The following SYCP2L variants were observed in gnomAD, a reference collection of about 807,000 sequenced individuals.
The protein encoded by SYCP2L is synaptonemal complex protein 2 like.
In SYCP2L, 98 loss-of-function variants were observed where a neutral mutation model predicts 125.8. The observed-to-expected ratio is 0.78, with a 90% CI of 0.66 to 0.92. The LOEUF is 0.92. Among genes scored for constraint, SYCP2L ranks in the 40% least tolerant of loss-of-function variants. The pLI, the probability that SYCP2L is intolerant of heterozygous loss-of-function variation, is 0.00. For synonymous variants in SYCP2L, 317 were observed against 325.4 expected (o/e 0.97, Z 0.28); for missense variants, 842 against 936.4 (o/e 0.90, Z 1.32).
intron 14 of SYCP2L, among the ~76,000 whole-genome samples, chr6:10,916,104 G>GT (rs1780688663): frequency 6.6e-6 from 1 of 152,146 alleles, no homozygotes; most frequent in Non-Finnish European, 1.5e-5. Flanking sequence ...TAGTTTATGT[G>GT]TGTAATGGTG....
chr6:10,907,187 C>T (rs1780512686), intron 9 of SYCP2L, among the ~76,000 whole-genome samples: 1 of 151,770 alleles, frequency 6.6e-6, no homozygotes, highest in Admixed American at 6.6e-5. Context: ...CTACTAAAAA[C>T]ATAAAGATTA....
chr6:10,912,937 T>G lies in SYCP2L; in HGVS notation c.1072+10T>G, dbSNP rs111657774. On this transcript the variant is annotated intron_variant, in intron 14 of 29. Transcript: ENST00000283141. The surrounding 1 kb of genome is among the most constrained non-coding windows in gnomAD (Gnocchi z 4.1). ...AATTTCAGCATAACAGGTAATATGATACATTTAAACAACCCACGTCCAGTT... is the reference window on the plus strand; with the variant it reads ...AATTTCAGCATAACAGGTAATATGAGACATTTAAACAACCCACGTCCAGTT... The G allele has an allele frequency of 4.4e-4, 716 of 1,612,674 alleles. 7 individuals carry two copies. In the African/African-American group the frequency reaches 8.3e-3, roughly 19 times the overall value.
At chr6:10,924,714 G>GGTT in intron 15 of SYCP2L, 73 bp downstream of exon 15, 1 of 1,276,568 alleles carries the variant, frequency 7.8e-7, no homozygotes, top group Non-Finnish European at 1.0e-6. Context: ...TGTCCTTGTT[G>GGTT]GGTTTTGATG....
At chr6:10,929,528 T>C (rs1581830973) in intron 18 of SYCP2L, among the ~76,000 whole-genome samples, 2 of 152,232 alleles carry the variant, frequency 1.3e-5, no homozygotes, top group South Asian at 4.1e-4. Flanking sequence ...ATTTTAAAAA[T>C]ATAAATATCA....
intron 28 of SYCP2L, among the ~76,000 whole-genome samples, 181 bp downstream of exon 28, chr6:10,961,739 G>C (rs185634277): frequency 6.6e-6 from 1 of 152,154 alleles, no homozygotes; most frequent in South Asian, 2.1e-4. Context: ...GATACCATTC[G>C]AGAGGCGTAA....
At chr6:10,920,288 G>GCT (rs1780771789) in intron 14 of SYCP2L, among the ~76,000 whole-genome samples, 1 of 152,190 alleles carries the variant, frequency 6.6e-6, no homozygotes, top group South Asian at 2.1e-4. Flanking sequence ...CGTGATCTTG[G>GCT]CTCACTGCAA....
At chr6:10,962,672 T>C (rs569730018) in intron 28 of SYCP2L, among the ~76,000 whole-genome samples, 6 of 152,320 alleles carry the variant, frequency 3.9e-5, no homozygotes, top group South Asian at 2.1e-4. Flanking sequence ...CGTGTTGATA[T>C]AAATAACAGA....
intron 14 of SYCP2L, among the ~76,000 whole-genome samples, chr6:10,920,167 G>T (rs554914194): frequency 6.6e-6 from 1 of 152,098 alleles, no homozygotes; most frequent in Non-Finnish European, 1.5e-5. Context: ...ATCTCAGGGG[G>T]TGCCTGGTTT....
intron 14 of SYCP2L, among the ~76,000 whole-genome samples, chr6:10,922,333 T>C (rs921246452): frequency 6.6e-6 from 1 of 152,140 alleles, no homozygotes; most frequent in Non-Finnish European, 1.5e-5. Flanking sequence ...GTAAGACTTT[T>C]GTTCTGTATC....
intron 20 of SYCP2L, among the ~76,000 whole-genome samples, chr6:10,934,706 A>G (rs1781061705): frequency 6.6e-6 from 1 of 152,176 alleles, no homozygotes; most frequent in Non-Finnish European, 1.5e-5. Context: ...TTGGAAATTC[A>G]AGAATCTGTA....
At chr6:10,931,639 T>G in intron 20 of SYCP2L, 150 bp downstream of exon 20, 1 of 774,370 alleles carries the variant, frequency 1.3e-6, no homozygotes. Flanking sequence ...GTCTTCTAAA[T>G]GTTTAATATG....
intron 8 of SYCP2L, among the ~76,000 whole-genome samples, chr6:10,905,519 G>A (rs1360518089): frequency 6.6e-6 from 1 of 151,990 alleles, no homozygotes; most frequent in Non-Finnish European, 1.5e-5. Flanking sequence ...CTCGAACTCC[G>A]AACCTCAGGT....
intron 29 of SYCP2L, among the ~76,000 whole-genome samples, chr6:10,971,705 A>G (rs1581849251): frequency 6.6e-6 from 1 of 151,768 alleles, no homozygotes; most frequent in Non-Finnish European, 1.5e-5. Flanking sequence ...TTTTTTTGAG[A>G]AGGAGTTTCG....
At chr6:10,951,212 T>C (rs1392865871) in intron 23 of SYCP2L, among the ~76,000 whole-genome samples, 1 of 151,992 alleles carries the variant, frequency 6.6e-6, no homozygotes, top group East Asian at 1.9e-4. Flanking sequence ...TTGCTTGAGC[T>C]TAGGAGTTCA....
At chr6:10,941,311 TTAAAC>T (rs1781216214) in intron 21 of SYCP2L, among the ~76,000 whole-genome samples, 2 of 152,100 alleles carry the variant, frequency 1.3e-5, no homozygotes, top group Admixed American at 6.5e-5. Flanking sequence ...TGGGATCTAA[TTAAAC>T]TAAAGAGCTT....
At chr6:10,901,304 G>A (rs1379816848) in intron 6 of SYCP2L, among the ~76,000 whole-genome samples, 1 of 152,216 alleles carries the variant, frequency 6.6e-6, no homozygotes, top group African/African-American at 2.4e-5. Context: ...GAGGGACATG[G>A]TCAGAGCTTT....
At chr6:10,917,665 T>A (rs1780714824) in intron 14 of SYCP2L, among the ~76,000 whole-genome samples, 1 of 152,234 alleles carries the variant, frequency 6.6e-6, no homozygotes, top group Non-Finnish European at 1.5e-5. Context: ...AGATGTGAGG[T>A]ACCATTCCAT....
intron 14 of SYCP2L, among the ~76,000 whole-genome samples, chr6:10,917,264 C>T (rs373618903): frequency 1.3e-5 from 2 of 152,146 alleles, no homozygotes; most frequent in Admixed American, 6.5e-5. Flanking sequence ...CCACGATTAT[C>T]GTGTTGCTGT....
intron 23 of SYCP2L, among the ~76,000 whole-genome samples, chr6:10,949,357 T>G (rs1781369286): frequency 6.6e-6 from 1 of 152,190 alleles, no homozygotes; most frequent in Non-Finnish European, 1.5e-5. Flanking sequence ...TTATGTATTT[T>G]TTAAAACCCA....
Sources: gnomAD v4.1 joint callset for allele counts (sites outside exome capture counted in the v4.1 genomes callset) on GRCh38, gnomAD v4.1.1 for gene constraint, Gnocchi (gnomAD v3.1) non-coding constraint, MANE v1.5 for transcripts, NCBI Gene and HGNC (gene_info 2026-07-23, HGNC 2026-07-21) for gene names.